DMC1: variants seen among roughly 807,000 people sequenced by gnomAD.
DMC1 encodes the protein meiotic recombination protein DMC1 homolog.
A neutral mutation model predicts 50.1 loss-of-function variants in DMC1; 27 were observed. The ratio of observed to expected loss-of-function variants is 0.54; its 90% CI spans 0.40 to 0.74. The LOEUF (loss-of-function observed/expected upper bound fraction) is 0.74, where lower values mean the gene tolerates loss of function less well. DMC1 is among the 30% of genes least tolerant of loss of function. DMC1 has a pLI of 0.00. For missense variants in DMC1, 295 were observed against 420.2 expected, an observed-to-expected ratio of 0.70 and a Z score of 2.60; for synonymous variants, 148 against 136.1, an observed-to-expected ratio of 1.09 and a Z score of -0.61.
chr22:38,565,035 C>A (rs958431388), intron 4 of DMC1, among the ~76,000 whole-genome samples: 4 of 152,176 alleles, frequency 2.6e-5, no homozygotes, highest in African/African-American at 9.7e-5. Context: ...GGGAATGAGA[C>A]CCTCACATAC....
chr22:38,565,249 T>C (rs1018550383), intron 4 of DMC1, among the ~76,000 whole-genome samples: 3 of 151,930 alleles, frequency 2.0e-5, no homozygotes, highest in Non-Finnish European at 2.9e-5. Context: ...TGCTAGAAAG[T>C]AGTAAGGTAG....
At chr22:38,565,183 T>C (rs2090568787) in intron 4 of DMC1, among the ~76,000 whole-genome samples, 1 of 152,212 alleles carries the variant, frequency 6.6e-6, no homozygotes, top group African/African-American at 2.4e-5. Context: ...CAAAGGTATA[T>C]AGGCTTTTGT....
chr22:38,561,233 A>G (rs1057212709), intron 5 of DMC1, among the ~76,000 whole-genome samples: 2 of 151,684 alleles, frequency 1.3e-5, no homozygotes, highest in Admixed American at 1.3e-4. Context: ...GATGATCTCA[A>G]GAGATCCCCT....
chr22:38,525,088 A>G (rs572760096), intron 12 of DMC1, among the ~76,000 whole-genome samples: 5 of 152,268 alleles, frequency 3.3e-5, no homozygotes, highest in African/African-American at 1.2e-4. Context: ...TTAATTAATT[A>G]ATTAAGCACA....
At chr22:38,536,570 T>G (rs16999046) in intron 12 of DMC1, among the ~76,000 whole-genome samples, 9,155 of 152,220 alleles carry the variant, frequency 0.06, 585 homozygotes, top group African/African-American at 0.15. Context: ...TCTCCCATAG[T>G]GCCTCTGATA....
intron 6 of DMC1, among the ~76,000 whole-genome samples, chr22:38,554,315 T>G (rs2090446210): frequency 6.6e-6 from 1 of 151,744 alleles, no homozygotes; most frequent in Non-Finnish European, 1.5e-5. Flanking sequence ...CCAATCCAGG[T>G]CCATTGAACT....
intron 12 of DMC1, among the ~76,000 whole-genome samples, chr22:38,536,849 A>T (rs1421520760): frequency 1.4e-4 from 22 of 152,002 alleles, no homozygotes. Flanking sequence ...ACACTGTGCA[A>T]TAAAGTGATT....
At chr22:38,525,981 A>G (rs900714660) in intron 12 of DMC1, among the ~76,000 whole-genome samples, 4 of 152,144 alleles carry the variant, frequency 2.6e-5, no homozygotes, top group South Asian at 4.1e-4. Flanking sequence ...AATAAAAGAA[A>G]AAAAAAGAAA....
At position 38,568,265 on chromosome 22, in the gene DMC1, G is replaced by A. The variant is rs1224812829; in HGVS notation, c.-9C>T. The stretch of plus-strand genomic sequence containing the variant: ...ACTTGATCCTCCTTCATATTGAAAA[G>A]TGGGCAACAGAAAAATAATCACTTC... On this transcript the variant is annotated 5_prime_UTR_variant, in exon 2 of 14. Coordinates refer to ENST00000216024, the MANE Select transcript of DMC1 (RefSeq NM_007068.4). 1 of 1,613,928 alleles carries A rather than the reference G, an allele frequency of 6.2e-7. No homozygotes were observed. The highest frequency in any genetic ancestry group is 8.5e-7 in the Non-Finnish European group (1 of 1,179,862).
intron 12 of DMC1, among the ~76,000 whole-genome samples, chr22:38,525,973 TAAAAGAAAAA>T (rs1396485378): frequency 1.3e-4 from 19 of 145,492 alleles, no homozygotes; most frequent in Admixed American, 4.1e-4. Context: ...ATACATAAAA[TAAAAGAAAAA>T]AAAAGAAAAA....
At chr22:38,513,671 C>T in the DMC1 span, among the ~76,000 whole-genome samples, 13 of 152,086 alleles carry the variant, frequency 8.5e-5, no homozygotes, top group Admixed American at 6.6e-4. Context: ...TCCGACTATC[C>T]GGTTCAAGCG....
At chr22:38,517,568 TCAAAACAAAAAA>T (rs200005917), downstream of DMC1, among the ~76,000 whole-genome samples, 4,678 of 151,834 alleles carry the variant, frequency 0.031, 232 homozygotes, top group African/African-American at 0.11. Flanking sequence ...AAACTGTGTC[TCAAAACAAAAAA>T]CAAAACAAAA....
chr22:38,531,369 C>T (rs9619752), intron 12 of DMC1, among the ~76,000 whole-genome samples: 26 of 152,098 alleles, frequency 1.7e-4, no homozygotes, highest in Admixed American at 1.6e-3. Flanking sequence ...TCTATAATTT[C>T]GTTCCTTTTT....
downstream of DMC1, among the ~76,000 whole-genome samples, chr22:38,518,261 C>T (rs1387215164): frequency 3.9e-5 from 6 of 152,114 alleles, no homozygotes; most frequent in East Asian, 1.9e-4. Flanking sequence ...CGTGAGCTAC[C>T]GCACCCAGCA....
intron 12 of DMC1, among the ~76,000 whole-genome samples, chr22:38,533,397 A>G (rs1366962475): frequency 4.8e-5 from 7 of 145,180 alleles, no homozygotes; most frequent in Non-Finnish European, 7.5e-5. Context: ...CTCCATCACA[A>G]AAAAAAAAAA....
intron 4 of DMC1, 46 bp from the exon 5 acceptor site, chr22:38,562,415 T>G: frequency 7.3e-7 from 1 of 1,362,942 alleles, no homozygotes; most frequent in South Asian, 1.2e-5. Context: ...TTAAAGATCA[T>G]GGTTGTATTT....
At chr22:38,537,111 C>A (rs2090222364) in intron 12 of DMC1, among the ~76,000 whole-genome samples, 1 of 152,166 alleles carries the variant, frequency 6.6e-6, no homozygotes, top group Non-Finnish European at 1.5e-5. Flanking sequence ...CTAGGCCTCC[C>A]AAAGTGTTGG....
intron 7 of DMC1, among the ~76,000 whole-genome samples, chr22:38,551,651 G>A (rs2090412410): frequency 6.6e-6 from 1 of 151,886 alleles, no homozygotes; most frequent in South Asian, 2.1e-4. Context: ...TTATGTAGTA[G>A]TAGTTAACAC....
At chr22:38,526,500 G>A (rs1413021139) in intron 12 of DMC1, among the ~76,000 whole-genome samples, 2 of 151,906 alleles carry the variant, frequency 1.3e-5, no homozygotes, top group African/African-American at 2.4e-5. Flanking sequence ...GGGCCACCAC[G>A]CCTGGCCAAA....
Sources: gnomAD v4.1 joint callset for allele counts (sites outside exome capture counted in the v4.1 genomes callset) on GRCh38, gnomAD v4.1.1 for gene constraint, MANE v1.5 for transcripts, NCBI Gene and HGNC (gene_info 2026-07-23, HGNC 2026-07-21) for gene names.